FGD5: variants seen among roughly 807,000 people sequenced by gnomAD.
FGD5 encodes the protein FYVE, RhoGEF and PH domain-containing protein 5.
In FGD5, 28 loss-of-function variants were observed where a neutral mutation model predicts 133.4. The ratio of observed to expected loss-of-function variants is 0.21; its 90% CI spans 0.16 to 0.29. The LOEUF (loss-of-function observed/expected upper bound fraction) is 0.29, where lower values mean the gene tolerates loss of function less well. Ranked by LOEUF, FGD5 falls within the 10% of genes least tolerant of loss-of-function variation. The pLI is 1.00. For missense variants in FGD5, 1,858 were observed against 1,895.2 expected, an observed-to-expected ratio of 0.98 and a Z score of 0.36; for synonymous variants, 810 against 776.5, an observed-to-expected ratio of 1.04 and a Z score of -0.72.
intron 1 of FGD5, among the ~76,000 whole-genome samples, chr3:14,826,057 C>T (rs1466042090): frequency 1.3e-5 from 2 of 152,208 alleles, no homozygotes; most frequent in African/African-American, 2.4e-5. Context: ...AAATCTTCAT[C>T]ATCATATGTT....
chr3:14,818,516 T>G (rs1419823934), upstream of FGD5, among the ~76,000 whole-genome samples: 1 of 152,094 alleles, frequency 6.6e-6, no homozygotes, highest in East Asian at 1.9e-4. Context: ...GTGTAGCTAG[T>G]GGGTACCCAA....
chr3:14,883,427 C>G (rs948438068), intron 4 of FGD5, among the ~76,000 whole-genome samples: 1 of 152,216 alleles, frequency 6.6e-6, no homozygotes, highest in African/African-American at 2.4e-5. Context: ...GCCAGCCAGC[C>G]TTTCACCCAC....
At position 14,933,403 on chromosome 3, in the gene FGD5, C is replaced by T. The variant is rs142572983; in HGVS notation, c.*236C>T. 1 of 546,112 alleles carries T rather than the reference C, an allele frequency of 1.8e-6. No homozygotes were observed. Among genetic ancestry groups the T allele is most frequent in the African/African-American group, 1.9e-5 (1 of 53,000 alleles). 33.8% of individuals were successfully genotyped at this position (546,112 alleles called of 1,614,324 possible). A position where few individuals can be genotyped will look rare whatever the true frequency, so the allele number is the denominator to read the frequency against. On this transcript the variant is annotated 3_prime_UTR_variant, in exon 20 of 20. Coordinates refer to ENST00000285046, the MANE Select transcript of FGD5 (RefSeq NM_152536.4). ...TCTGTGTTTTCCACCCCTACCCCCACCCGCCACCCAGTAATAAACTATTTC... is the reference window on the plus strand; with the variant it reads ...TCTGTGTTTTCCACCCCTACCCCCATCCGCCACCCAGTAATAAACTATTTC...
At chr3:14,890,118 C>A (rs112041062) in intron 4 of FGD5, among the ~76,000 whole-genome samples, 15 of 152,148 alleles carry the variant, frequency 9.9e-5, no homozygotes, top group Non-Finnish European at 2.9e-5. Context: ...ACACACTCCG[C>A]CTGAACCGTA....
intron 8 of FGD5, 117 bp from the exon 9 acceptor site, chr3:14,900,886 A>G: frequency 9.2e-7 from 1 of 1,090,978 alleles, no homozygotes; most frequent in Non-Finnish European, 1.4e-6. Flanking sequence ...ATCACTGTCA[A>G]GGTCACCTAG....
intron 1 of FGD5, among the ~76,000 whole-genome samples, chr3:14,823,573 G>T (rs771767002): frequency 4.6e-5 from 7 of 152,216 alleles, no homozygotes; most frequent in African/African-American, 7.2e-5. Context: ...TGTTACAGAA[G>T]AGGAAACTGT....
chr3:14,865,119 A>ACCCC (rs1216267069), intron 2 of FGD5, among the ~76,000 whole-genome samples: 3 of 140,746 alleles, frequency 2.1e-5, no homozygotes, highest in African/African-American at 5.3e-5. Flanking sequence ...CCCCCACCCA[A>ACCCC]CCCACCCATC....
Position 14,900,463 on chromosome 3 carries a change from G to T in FGD5, c.3205+10G>T. ...TACGACAACACACAGGGTGAGTCCA[G>T]CGTGAATGCGGAGGGAGGTACTCAA... On this transcript the variant is annotated intron_variant, in intron 8 of 19. Coordinates refer to ENST00000285046, the MANE Select transcript of FGD5 (RefSeq NM_152536.4). 1 of 1,612,726 alleles carries T rather than the reference G, an allele frequency of 6.2e-7. No homozygotes were observed.
chr3:14,872,518 A>C (rs539411243), intron 2 of FGD5, among the ~76,000 whole-genome samples: 72 of 152,298 alleles, frequency 4.7e-4, no homozygotes, highest in Non-Finnish European at 9.3e-4. Flanking sequence ...TAAGACAGGA[A>C]TTTATGCTTG....
Position 14,880,606 on chromosome 3 carries a change from A to G in FGD5, c.2693A>G (p.Gln898Arg), listed in dbSNP as rs1327322024. ...CAGTCCAGAGCCCTTGTCATCGCAC[A>G]GGAACTGCTATCTTCAGAGAAAGCG... is the stretch of plus-strand genomic sequence containing the variant. The part of the protein sequence containing the change: ...EGQSRALVIA[Q>R]ELLSSEKAYV... Residue 898 changes from glutamine to arginine, a missense_variant, in exon 3 of 20, where the codon CAG becomes CGG. This residue lies in a region of FGD5 where 1,824 missense variants were observed against 1,848.9 expected (regional missense o/e 0.99). Coordinates refer to ENST00000285046, the MANE Select transcript of FGD5 (RefSeq NM_152536.4). 3 of 1,613,900 alleles carry G rather than the reference A, an allele frequency of 1.9e-6. No homozygotes were observed. The highest frequency in any genetic ancestry group is 2.5e-6 in the Non-Finnish European group (3 of 1,179,908).
At chr3:14,889,815 T>C (rs1329110822) in intron 4 of FGD5, among the ~76,000 whole-genome samples, 2 of 152,186 alleles carry the variant, frequency 1.3e-5, no homozygotes, top group African/African-American at 4.8e-5. Context: ...TCCTTCGTTC[T>C]GTTTATTAGC....
chr3:14,894,204 G>A (rs1395896733), intron 4 of FGD5, among the ~76,000 whole-genome samples: 4 of 152,290 alleles, frequency 2.6e-5, no homozygotes, highest in African/African-American at 9.6e-5. Flanking sequence ...GGGAACATGC[G>A]ATATTTGTCT....
rs7642889 is a variant in FGD5 at position 14,908,587 on chromosome 3, T to C, written c.3336+876T>C. ...AATATTTTAAAGATATTTATATTTT[T>C]AAAAGGGGAATTTATGGGGCCGGGT... On this transcript the variant is annotated intron_variant, in intron 10 of 19. Transcript: ENST00000285046. 4.2e-3 allele frequency among the ~76,000 whole-genome samples: 641 copies of C among 152,280 alleles called. 6 individuals carry two copies. Among genetic ancestry groups the C allele is most frequent in the African/African-American group, 0.015 (611 of 41,550 alleles).
intron 18 of FGD5, chr3:14,930,692 A>G (rs2038887503): frequency 6.6e-6 from 1 of 152,230 alleles, no homozygotes; most frequent in East Asian, 1.9e-4. Flanking sequence ...GAATCTATAG[A>G]CCAATTTGGG....
At chr3:14,827,591 G>C (rs1407133299) in intron 1 of FGD5, among the ~76,000 whole-genome samples, 1 of 152,076 alleles carries the variant, frequency 6.6e-6, no homozygotes, top group Non-Finnish European at 1.5e-5. Flanking sequence ...ATTGCTTATT[G>C]GTCCAGGAGA....
chr3:14,844,781 A>T (rs942730094), intron 1 of FGD5, among the ~76,000 whole-genome samples: 1 of 152,190 alleles, frequency 6.6e-6, no homozygotes, highest in African/African-American at 2.4e-5. Context: ...GACAATGTCT[A>T]GAAGGAGCTA....
chr3:14,907,616 C>G, intron 9 of FGD5, 24 bp from the exon 10 acceptor site: 2 of 1,611,064 alleles, frequency 1.2e-6, no homozygotes, highest in East Asian at 2.2e-5. Context: ...GACCATCTCT[C>G]CCTCACCCCA....
Position 14,933,619 on chromosome 3 carries a change from A to G in FGD5, c.*452A>G, listed in dbSNP as rs1375450438. On this transcript the variant is annotated 3_prime_UTR_variant, in exon 20 of 20. Coordinates refer to ENST00000285046, the MANE Select transcript of FGD5 (RefSeq NM_152536.4). The stretch of plus-strand genomic sequence containing the variant: ...GAAGCTATCAGTAACAGCTACTCTC[A>G]TCGAAAGCACTTTATTATTTTACGG... 6.1e-6 allele frequency: 1 copy of G among 164,052 alleles called. No homozygotes were observed. The highest frequency in any genetic ancestry group is 1.7e-4 in the East Asian group (1 of 5,814). The allele number at this position is 164,052 out of a possible 1,614,324, so 10.2% of individuals were successfully genotyped here.
chr3:14,852,614 G>A (rs4685217), intron 1 of FGD5, among the ~76,000 whole-genome samples: 92,777 of 152,058 alleles, frequency 0.61, 28,768 homozygotes, highest in African/African-American at 0.68. Flanking sequence ...TAAAAAGAAA[G>A]CAAACCCCTC....
Sources: allele counts gnomAD v4.1 joint callset (sites outside exome capture counted in the v4.1 genomes callset), GRCh38; gene constraint gnomAD v4.1.1; regional missense constraint gnomAD v4.1.1; transcripts MANE v1.5; gene names NCBI Gene and HGNC (gene_info 2026-07-23, HGNC 2026-07-21).